SBF2: variants seen among roughly 807,000 people sequenced by gnomAD.
SBF2 encodes the protein SET binding factor 2.
A neutral mutation model predicts 225.2 loss-of-function variants in SBF2; 112 were observed. That is an observed-to-expected ratio of 0.50 (90% CI 0.43 to 0.58). The LOEUF (loss-of-function observed/expected upper bound fraction) is 0.58. Ranked by LOEUF, SBF2 falls within the 20% of genes least tolerant of loss-of-function variation. The pLI is 0.00. For synonymous variants in SBF2, 763 were observed against 773.3 expected, an observed-to-expected ratio of 0.99 and a Z score of 0.22; for missense variants, 1,996 against 2,206.2, an observed-to-expected ratio of 0.90 and a Z score of 1.91.
At chr11:10,174,510 G>A (rs1956366418) in intron 2 of SBF2, among the ~76,000 whole-genome samples, 1 of 152,154 alleles carries the variant, frequency 6.6e-6, no homozygotes, top group Non-Finnish European at 1.5e-5. Context: ...ATGGGACTAT[G>A]GGAAAAGACC....
intron 2 of SBF2, among the ~76,000 whole-genome samples, chr11:10,151,588 T>G (rs1437012917): frequency 6.6e-6 from 1 of 152,258 alleles, no homozygotes; most frequent in Non-Finnish European, 1.5e-5. Flanking sequence ...TAAACATCTC[T>G]GTTCATTTTA....
intron 2 of SBF2, among the ~76,000 whole-genome samples, chr11:10,185,111 G>T (rs532317371): frequency 6.8e-6 from 1 of 147,432 alleles, no homozygotes; most frequent in East Asian, 1.9e-4. Flanking sequence ...TAATATTCTG[G>T]GGGGGGGTGT....
intron 1 of SBF2, among the ~76,000 whole-genome samples, chr11:10,278,248 A>C (rs1026312632): frequency 3.3e-5 from 5 of 152,236 alleles, no homozygotes; most frequent in African/African-American, 1.2e-4. Context: ...CTAAAAACTT[A>C]TGAAAAATTT....
chr11:10,077,106 T>C (rs1951152212), intron 2 of SBF2, among the ~76,000 whole-genome samples: 1 of 152,088 alleles, frequency 6.6e-6, no homozygotes, highest in Non-Finnish European at 1.5e-5. Flanking sequence ...ACATTATCTG[T>C]TGATAAAATT....
intron 6 of SBF2, among the ~76,000 whole-genome samples, chr11:10,008,232 T>C (rs1410759731): frequency 6.6e-6 from 1 of 152,136 alleles, no homozygotes; most frequent in African/African-American, 2.4e-5. Context: ...ATGGCCTTAA[T>C]AGATCAAGGC....
At chr11:10,159,906 G>A (rs1242078694) in intron 2 of SBF2, among the ~76,000 whole-genome samples, 1 of 151,448 alleles carries the variant, frequency 6.6e-6, no homozygotes, top group Non-Finnish European at 1.5e-5. Flanking sequence ...AAAAACCTCT[G>A]CCCCCTAAAT....
rs138721925 is a variant in SBF2, at chr11:10,089,222, A to G, written c.142-46241T>C. On this transcript the variant is annotated intron_variant, in intron 2 of 39. Coordinates refer to ENST00000256190, the MANE Select transcript of SBF2 (RefSeq NM_030962.4). ...AACCCCTCCCACCTTTAAGTCTCCAATGTCTATGAGTCCACACTGTATGTC... is the reference window on the plus strand; with the variant it reads ...AACCCCTCCCACCTTTAAGTCTCCAGTGTCTATGAGTCCACACTGTATGTC... 3.5e-3 allele frequency among the ~76,000 whole-genome samples: 529 copies of G among 152,248 alleles called. 4 individuals are homozygous for G. Among genetic ancestry groups the G allele is most frequent in the African/African-American group, 0.012 (501 of 41,536 alleles).
rs66617167 is a variant in SBF2 at position 9,916,606 on chromosome 11, TC to T, written c.1861-20596del. Among the ~76,000 whole-genome samples, 195 of 146,858 alleles carry T rather than the reference TC, an allele frequency of 1.3e-3. 12 individuals carry two copies. The highest frequency in any genetic ancestry group is 1.8e-3 in the Non-Finnish European group (121 of 66,262). On this transcript the variant is annotated intron_variant, in intron 16 of 39. Transcript: ENST00000256190. ...TCTTTTTCTTTCTTTTCCTTTTTTT[TC>T]TTTTTTTTGAGACAGGGTCTTGCTC... is the stretch of plus-strand genomic sequence containing the variant.
At chr11:10,012,347 T>C (rs764352366) in intron 6 of SBF2, among the ~76,000 whole-genome samples, 1 of 152,134 alleles carries the variant, frequency 6.6e-6, no homozygotes, top group Non-Finnish European at 1.5e-5. Flanking sequence ...TCACTATGTT[T>C]CTCAGGCCGG....
chr11:10,156,929 A>G (rs1955504361), intron 2 of SBF2, among the ~76,000 whole-genome samples: 1 of 152,258 alleles, frequency 6.6e-6, no homozygotes, highest in Non-Finnish European at 1.5e-5. Context: ...TTTATAATTC[A>G]TATGGAACCA....
intron 16 of SBF2, among the ~76,000 whole-genome samples, chr11:9,932,435 G>T (rs866777895): frequency 6.6e-6 from 1 of 152,088 alleles, no homozygotes; most frequent in African/African-American, 2.4e-5. Context: ...TGGATCTCTC[G>T]GCAGAAACCC....
chr11:9,995,859 C>T (rs1196550773), intron 9 of SBF2, among the ~76,000 whole-genome samples: 1 of 149,868 alleles, frequency 6.7e-6, no homozygotes, highest in Admixed American at 6.7e-5. Flanking sequence ...GGGGTTTCAC[C>T]ATGTTGGTCA....
chr11:10,173,596 C>G (rs1441797994), intron 2 of SBF2, among the ~76,000 whole-genome samples: 1 of 152,236 alleles, frequency 6.6e-6, no homozygotes, highest in Non-Finnish European at 1.5e-5. Flanking sequence ...GGGCGCCCAC[C>G]ATTGCCCAGG....
At chr11:9,908,977 C>T (rs1862356116) in intron 16 of SBF2, among the ~76,000 whole-genome samples, 1 of 151,794 alleles carries the variant, frequency 6.6e-6, no homozygotes, top group Non-Finnish European at 1.5e-5. Flanking sequence ...TGTGAGCCAT[C>T]ATACCCAGCC....
intron 17 of SBF2, among the ~76,000 whole-genome samples, chr11:9,864,323 A>G (rs993082621): frequency 1.3e-5 from 2 of 151,884 alleles, no homozygotes; most frequent in Non-Finnish European, 2.9e-5. Flanking sequence ...TTCATCCACC[A>G]GCATTGTCCA....
chr11:9,912,463 T>G (rs61876935), intron 16 of SBF2, among the ~76,000 whole-genome samples: 39,315 of 147,644 alleles, frequency 0.27, 5,615 homozygotes, highest in Non-Finnish European at 0.33. Context: ...CAGGTGCCTG[T>G]AGTCTCAGCT....
intron 2 of SBF2, among the ~76,000 whole-genome samples, chr11:10,121,920 T>TA (rs1348920501): frequency 6.6e-6 from 1 of 152,224 alleles, no homozygotes; most frequent in African/African-American, 2.4e-5. Context: ...GCCCACCTGT[T>TA]ACTCACTTAG....
chr11:9,900,624 G>A (rs950250177), intron 16 of SBF2, among the ~76,000 whole-genome samples: 5 of 152,116 alleles, frequency 3.3e-5, no homozygotes, highest in Non-Finnish European at 7.3e-5. Flanking sequence ...ATCTGTAAGG[G>A]TGCACCCTTC....
Position 10,124,615 on chromosome 11 carries a change from G to C in SBF2, c.141+69287C>G, listed in dbSNP as rs73412842. Among the ~76,000 whole-genome samples, 140 of 152,066 alleles carry C rather than the reference G, an allele frequency of 9.2e-4. 1 individual carries two copies. The highest frequency in any genetic ancestry group is 3.4e-3 in the Middle Eastern group (1 of 294). On this transcript the variant is annotated intron_variant, in intron 2 of 39. Transcript: ENST00000256190. ...TGAGTTTTTGACACATGTTCATTCT[G>C]TATTTTCATGAGAGTCATTTTTCTA...
Sources: allele counts gnomAD v4.1 joint callset (sites outside exome capture counted in the v4.1 genomes callset), GRCh38; gene constraint gnomAD v4.1.1; transcripts MANE v1.5; gene names NCBI Gene and HGNC (gene_info 2026-07-23, HGNC 2026-07-21).